Variants in DDX21 observed in about 807,000 individuals in gnomAD.
DDX21 encodes the protein DExD-box helicase 21.
Under a neutral mutation model 90.0 loss-of-function variants are expected in DDX21, and 18 were observed. The observed-to-expected ratio is 0.20, with a 90% CI of 0.14 to 0.30. The LOEUF (loss-of-function observed/expected upper bound fraction) is 0.30. Ranked by LOEUF, DDX21 falls within the 10% of genes least tolerant of loss-of-function variation. The pLI is 1.00. For synonymous variants in DDX21, 294 were observed against 318.0 expected (o/e 0.92, Z 0.80); for missense variants, 673 against 944.5 (o/e 0.71, Z 3.77).
intron 14 of DDX21, 150 bp from the exon 15 acceptor site, chr10:68,982,393 G>T (rs1173793314): frequency 8.2e-6 from 9 of 1,099,034 alleles, no homozygotes; most frequent in South Asian, 3.6e-5. Flanking sequence ...GACCATGATG[G>T]GTGGCCAGTG....
chr10:68,969,980 A>C (rs1254563495), intron 7 of DDX21, among the ~76,000 whole-genome samples: 1 of 152,086 alleles, frequency 6.6e-6, no homozygotes, highest in Non-Finnish European at 1.5e-5. Flanking sequence ...GAAAGGGGAG[A>C]GGCATGGGGA....
At position 68,981,567 on chromosome 10, in the gene DDX21, G is replaced by C. The variant is rs147532064; in HGVS notation, c.2068G>C (p.Val690Leu). 1.2e-4 allele frequency: 193 copies of C among 1,612,470 alleles called. No individual in the cohort carries two copies. In the African/African-American group the frequency reaches 2.3e-3, roughly 19 times the overall value. ...TTGCTTTGATGTACCTACCGCATCA[G>C]TAACAGAAATACAGGTATTCTTTTC... is the stretch of plus-strand genomic sequence containing the variant. The part of the protein sequence containing the change: ...GVCFDVPTAS[V>L]TEIQEKWHDS... Residue 690 changes from valine to leucine, a missense_variant, in exon 14 of 15, where the codon GTA becomes CTA. By Grantham distance (32) the Val-to-Leu change is conservative (BLOSUM62 1). This residue lies in a region of DDX21 where 225 missense variants were observed against 298.8 expected (regional missense o/e 0.75). Coordinates refer to ENST00000354185, the MANE Select transcript of DDX21 (RefSeq NM_004728.4).
chr10:68,970,677 G>A (rs1426506618), intron 8 of DDX21, among the ~76,000 whole-genome samples: 1 of 151,568 alleles, frequency 6.6e-6, no homozygotes, highest in Non-Finnish European at 1.5e-5. Context: ...TTTTGAGAGG[G>A]GGTCTCGCTT....
At chr10:68,956,480 G>A in intron 1 of DDX21, 168 bp downstream of exon 1, 1 of 1,450,856 alleles carries the variant, frequency 6.9e-7, no homozygotes, top group Non-Finnish European at 9.1e-7. Context: ...TGCGCTCCCC[G>A]GGCAGTGGAC....
At chr10:68,976,686 A>G (rs936519241) in intron 11 of DDX21, among the ~76,000 whole-genome samples, 2 of 152,022 alleles carry the variant, frequency 1.3e-5, no homozygotes, top group African/African-American at 4.8e-5. Context: ...CCAGTTAAGG[A>G]GAGTTGGGGT....
rs1222012403 is a variant in DDX21 at position 68,974,681 on chromosome 10, C to G, written c.1680C>G (p.Phe560Leu). 6.2e-7 allele frequency: 1 copy of G among 1,613,900 alleles called. No individual in the cohort carries two copies. The highest frequency in any genetic ancestry group is 8.5e-7 in the Non-Finnish European group (1 of 1,179,908). Reference sequence around the variant, plus strand: ...TCATTTTCCTGTAGGGAATTAAGTTCAAACGAATAGGTGTTCCTTCTGCAA... The same window carrying G: ...TCATTTTCCTGTAGGGAATTAAGTTGAAACGAATAGGTGTTCCTTCTGCAA... ...VQVEQKAGIKFKRIGVPSATE... is the reference protein window; with the variant it reads ...VQVEQKAGIKLKRIGVPSATE... Residue 560 changes from phenylalanine (F) to leucine (L), a missense_variant, in exon 11 of 15, where the codon TTC becomes TTG. Physicochemically the swap from Phe to Leu is conservative, Grantham distance 22. Transcript: ENST00000354185.
chr10:68,970,329 C>G lies in DDX21; in HGVS notation c.1365C>G (p.Ser455=), dbSNP rs1843004568. The change falls in exon 8 of 15, where the codon TCC becomes TCG. Residue 455 remains serine (S), a synonymous_variant. Transcript: ENST00000354185. ...CETKKEAQEL[S]QNSAIKQDAQ... ...CCAAGAAAGAAGCCCAGGAGCTGTC[C>G]CAGAATTCAGCTATAAAGCAGGTTG... 6.2e-7 allele frequency: 1 copy of G among 1,613,660 alleles called. No homozygotes were observed. The highest frequency in any genetic ancestry group is 1.7e-5 in the Admixed American group (1 of 59,928).
In DDX21 at chr10:68,982,760, G is replaced by C; in HGVS notation, c.2300G>C (p.Arg767Thr). Residue 767 changes from arginine (R) to threonine (T), a missense_variant, in exon 15 of 15, where the codon AGA becomes ACA. Physicochemically the swap from Arg to Thr is moderately conservative, Grantham distance 71 (BLOSUM62 -1). This residue lies in a region of DDX21 where 225 missense variants were observed against 298.8 expected (regional missense o/e 0.75). Transcript: ENST00000354185. The stretch of plus-strand genomic sequence containing the variant: ...TCAGGAGGTGGCAACAAAAGTAACA[G>C]ATCCCAAAACAAAGGCCAGAAGCGG... ...QRSGGGNKSNRSQNKGQKRSF... is the reference protein window; with the variant it reads ...QRSGGGNKSNTSQNKGQKRSF... 1 of 1,614,162 alleles carries C rather than the reference G, an allele frequency of 6.2e-7. No individual in the cohort carries two copies. The highest frequency in any genetic ancestry group is 8.5e-7 in the Non-Finnish European group (1 of 1,180,018).
chr10:68,982,329 C>T (rs371884875), intron 14 of DDX21, among the ~76,000 whole-genome samples: 3 of 152,260 alleles, frequency 2.0e-5, no homozygotes, highest in Non-Finnish European at 2.9e-5. Context: ...GTGATGAGGG[C>T]TATTTCTCAT....
intron 2 of DDX21, among the ~76,000 whole-genome samples, chr10:68,961,565 C>T (rs189324566): frequency 2.6e-4 from 40 of 152,222 alleles, no homozygotes; most frequent in Non-Finnish European, 4.7e-4. Flanking sequence ...TCGTTAAGTA[C>T]GCTTAATGGT....
intron 1 of DDX21, chr10:68,956,816 G>A (rs949701664): frequency 1.4e-5 from 13 of 954,960 alleles, no homozygotes; most frequent in Non-Finnish European, 1.6e-5. Flanking sequence ...GCCGAGGCGG[G>A]CGGATCATGA....
chr10:68,957,006 C>T (rs1291966358), intron 1 of DDX21, among the ~76,000 whole-genome samples: 2 of 150,248 alleles, frequency 1.3e-5, no homozygotes, highest in African/African-American at 2.5e-5. Context: ...CGCGCCACTG[C>T]ACGTCAGCCT....
In DDX21 at chr10:68,973,686, A is replaced by G. The variant is rs763933654; in HGVS notation, c.1668+22A>G. On this transcript the variant is annotated intron_variant, in intron 10 of 14. Coordinates refer to ENST00000354185, the MANE Select transcript of DDX21 (RefSeq NM_004728.4). ...AGCGGTAAAACTATTCTTACCTTTC[A>G]TTAAGCAAATGTTGAGTTCTAAAGT... 6 of 1,605,098 alleles carry G rather than the reference A, an allele frequency of 3.7e-6. No homozygotes were observed. The African/African-American group carries it at 8.0e-5, about 22-fold the overall frequency.
chr10:68,982,248 T>C (rs1443314363), intron 14 of DDX21, among the ~76,000 whole-genome samples: 1 of 152,212 alleles, frequency 6.6e-6, no homozygotes, highest in East Asian at 1.9e-4. Flanking sequence ...ATTTGTTTTA[T>C]TACCTTTGGC....
chr10:68,980,044 C>T (rs989694285), intron 13 of DDX21, among the ~76,000 whole-genome samples: 2 of 152,066 alleles, frequency 1.3e-5, no homozygotes, highest in Non-Finnish European at 2.9e-5. Context: ...AGTTTGAGAC[C>T]AGCCTGACCA....
Position 68,967,090 on chromosome 10 carries a change from G to T in DDX21, c.977G>T (p.Gly326Val). Residue 326 changes from glycine (G) to valine (V), a missense_variant, in exon 6 of 15, where the codon GGC becomes GTC. Gly to Val is a moderately radical substitution (Grantham distance 109). This residue lies in a region of DDX21 where 218 missense variants were observed against 347.3 expected (regional missense o/e 0.63). Coordinates refer to ENST00000354185, the MANE Select transcript of DDX21 (RefSeq NM_004728.4). ...PGRIKDHIQN[G>V]KLDLTKLKHV... is the part of the protein sequence containing the mutation. ...CGTATCAAAGACCACATACAGAATG[G>T]CAAACTAGATCTCACCAAACTTAAG... 1 of 1,611,590 alleles carries T rather than the reference G, an allele frequency of 6.2e-7. No individual in the cohort carries two copies. The highest frequency in any genetic ancestry group is 8.5e-7 in the Non-Finnish European group (1 of 1,179,164).
intron 7 of DDX21, 87 bp from the exon 8 acceptor site, chr10:68,970,114 T>C (rs139251098): frequency 2.4e-6 from 3 of 1,270,046 alleles, no homozygotes; most frequent in East Asian, 2.4e-5. Context: ...ATTAGAACAT[T>C]AGTGTTGTGC....
intron 1 of DDX21, among the ~76,000 whole-genome samples, chr10:68,957,710 C>T (rs865973833): frequency 6.6e-6 from 1 of 152,106 alleles, no homozygotes; most frequent in Non-Finnish European, 1.5e-5. Flanking sequence ...TTGGTGGAAC[C>T]AAGGGATGAA....
At position 68,963,140 on chromosome 10, in the gene DDX21, C is replaced by A. The variant is rs116022002; in HGVS notation, c.608-151C>A. 9.8e-5 allele frequency: 72 copies of A among 732,526 alleles called. No homozygotes were observed. In the African/African-American group the frequency reaches 1.2e-3, roughly 12 times the overall value. The allele number at this position is 732,526 out of a possible 1,614,324, so 45.4% of individuals were successfully genotyped here. On this transcript the variant is annotated intron_variant, in intron 3 of 14. Coordinates refer to ENST00000354185, the MANE Select transcript of DDX21 (RefSeq NM_004728.4). ...AAGACCTTGTCTCTTAAAAAATATACGTATTTGAGCCTAACTTTGTAGATG... is the reference window on the plus strand; with the variant it reads ...AAGACCTTGTCTCTTAAAAAATATAAGTATTTGAGCCTAACTTTGTAGATG...
Sources: gnomAD v4.1 joint callset for allele counts (sites outside exome capture counted in the v4.1 genomes callset) on GRCh38, gnomAD v4.1.1 for gene constraint, gnomAD v4.1.1 regional missense constraint, MANE v1.5 for transcripts, NCBI Gene and HGNC (gene_info 2026-07-23, HGNC 2026-07-21) for gene names.